RBFOX1: variants seen among roughly 807,000 people sequenced by gnomAD.
The protein encoded by RBFOX1 is RNA binding protein fox-1 homolog 1.
RBFOX1 carries 8 observed loss-of-function variants against 57.7 expected under a neutral mutation model. The ratio of observed to expected loss-of-function variants is 0.14; its 90% CI spans 0.08 to 0.25. The LOEUF is 0.25. RBFOX1 is among the 10% of genes least tolerant of loss of function. The probability of loss-of-function intolerance (pLI) is 1.00; values close to 1 mark genes in which losing one functional copy is unlikely to be tolerated. For missense variants in RBFOX1, 611 were observed against 548.5 expected, an observed-to-expected ratio of 1.11 and a Z score of -1.14; for synonymous variants, 326 against 222.4, an observed-to-expected ratio of 1.47 and a Z score of -4.15.
At chr16:5,682,383 G>A (rs750564403) in intron 3 of RBFOX1, among the ~76,000 whole-genome samples, 4 of 152,154 alleles carry the variant, frequency 2.6e-5, no homozygotes, top group African/African-American at 9.7e-5. Flanking sequence ...TGTGGTAATC[G>A]ATGGAAAGAC....
At chr16:6,437,957 G>A (rs9939300) in intron 2 of RBFOX1, among the ~76,000 whole-genome samples, 33,267 of 151,908 alleles carry the variant, frequency 0.22, 3,908 homozygotes, top group East Asian at 0.32. Context: ...ATGCCAATGA[G>A]GCTCTTCTGA....
At chr16:6,576,295 G>A (rs142567478) in intron 2 of RBFOX1, among the ~76,000 whole-genome samples, 14 of 152,292 alleles carry the variant, frequency 9.2e-5, no homozygotes, top group Non-Finnish European at 1.6e-4. Flanking sequence ...CTCATGCTGA[G>A]ACGACGTAGA....
chr16:7,280,868 A>T (rs1029754661), intron 4 of RBFOX1, among the ~76,000 whole-genome samples: 1 of 151,810 alleles, frequency 6.6e-6, no homozygotes, highest in Admixed American at 6.6e-5. Context: ...CCGCTATCCT[A>T]TGGCCATATT....
At chr16:5,517,142 G>T (rs1005310214) in intron 2 of RBFOX1, among the ~76,000 whole-genome samples, 1 of 152,126 alleles carries the variant, frequency 6.6e-6, no homozygotes, top group African/African-American at 2.4e-5. Context: ...AGAGGATGCT[G>T]CTGTGGTCAC....
At position 7,543,663 on chromosome 16, in the gene RBFOX1, G is replaced by C. The variant is rs560295168; in HGVS notation, c.270+25274G>C. 8.9e-5 allele frequency among the ~76,000 whole-genome samples: 12 copies of C among 134,184 alleles called. No homozygotes were observed. In the East Asian group the frequency reaches 2.3e-3, roughly 26 times the overall value. The allele number at this position is 134,184 out of a possible 152,430, so 88.0% of individuals were successfully genotyped here. A position where few individuals can be genotyped will look rare whatever the true frequency, so the allele number is the denominator to read the frequency against. ...TTGAGAGTCTGCACCATGCTGGGCA[G>C]TATCTGTGTGTGTGTGTGTGTGTGT... On this transcript the variant is annotated intron_variant, in intron 5 of 15. Coordinates refer to ENST00000550418, the MANE Select transcript of RBFOX1 (RefSeq NM_018723.4).
chr16:6,921,625 GTATATA>G (rs146354998), intron 3 of RBFOX1, among the ~76,000 whole-genome samples: 1,910 of 135,212 alleles, frequency 0.014, 36 homozygotes, highest in African/African-American at 0.045. Context: ...ATAAATTACT[GTATATA>G]TATATATATA....
chr16:7,065,728 T>A (rs1327087747), intron 4 of RBFOX1, among the ~76,000 whole-genome samples: 1 of 152,184 alleles, frequency 6.6e-6, no homozygotes, highest in Admixed American at 6.5e-5. Flanking sequence ...GTAGCCGCCA[T>A]GTTGCACAGT....
At chr16:6,359,731 C>T (rs1051511812) in intron 2 of RBFOX1, among the ~76,000 whole-genome samples, 7 of 152,202 alleles carry the variant, frequency 4.6e-5, no homozygotes, top group South Asian at 2.1e-4. Flanking sequence ...AGGGATCAGG[C>T]GTGTATATAA....
chr16:7,664,861 G>C, intron 12 of RBFOX1, 68 bp from the exon 13 acceptor site: 2 of 1,613,562 alleles, frequency 1.2e-6, no homozygotes, highest in Non-Finnish European at 1.7e-6. Context: ...CGCCAGTGCA[G>C]GGGTTGGTGT....
At chr16:6,618,339 C>A (rs1185584055) in intron 2 of RBFOX1, among the ~76,000 whole-genome samples, 2 of 152,130 alleles carry the variant, frequency 1.3e-5, no homozygotes, top group Non-Finnish European at 2.9e-5. Flanking sequence ...CAGTTTCAAG[C>A]CCTTAGCATA....
At chr16:7,346,466 C>A (rs1250102958) in intron 4 of RBFOX1, among the ~76,000 whole-genome samples, 1 of 152,120 alleles carries the variant, frequency 6.6e-6, no homozygotes, top group African/African-American at 2.4e-5. Context: ...AATGTCTCTG[C>A]TTTCTGGCTT....
At chr16:5,809,718 C>G (rs1383400570) in intron 3 of RBFOX1, among the ~76,000 whole-genome samples, 2 of 152,214 alleles carry the variant, frequency 1.3e-5, no homozygotes, top group Non-Finnish European at 2.9e-5. Context: ...CACTTTTACA[C>G]TGTTGGTGGG....
chr16:6,283,129 C>G (rs897507012), intron 1 of RBFOX1, among the ~76,000 whole-genome samples: 1 of 152,136 alleles, frequency 6.6e-6, no homozygotes, highest in African/African-American at 2.4e-5. Context: ...GAGTGGGAGA[C>G]TAGTCTGGGT....
At chr16:7,562,425 C>T (rs2090605545) in intron 5 of RBFOX1, among the ~76,000 whole-genome samples, 1 of 152,054 alleles carries the variant, frequency 6.6e-6, no homozygotes, top group Non-Finnish European at 1.5e-5. Context: ...AAGGAGAGGA[C>T]CCTCATCTGA....
intron 3 of RBFOX1, among the ~76,000 whole-genome samples, chr16:5,772,868 G>T (rs2054026445): frequency 6.6e-6 from 1 of 152,138 alleles, no homozygotes; most frequent in Non-Finnish European, 1.5e-5. Flanking sequence ...TAAATAAGAG[G>T]TCAAGAGTAG....
chr16:5,684,969 A>G (rs2050459573), intron 3 of RBFOX1, among the ~76,000 whole-genome samples: 2 of 152,186 alleles, frequency 1.3e-5, no homozygotes, highest in Non-Finnish European at 1.5e-5. Context: ...AGATAAAGTC[A>G]CTAATGAAGT....
chr16:5,286,732 G>A (rs1161506145), intron 1 of RBFOX1, among the ~76,000 whole-genome samples: 3 of 152,150 alleles, frequency 2.0e-5, no homozygotes, highest in Admixed American at 2.0e-4. Context: ...AGAGGCAAAC[G>A]GTAATATTTT....
intron 2 of RBFOX1, among the ~76,000 whole-genome samples, chr16:6,385,939 CT>C (rs763480257): frequency 1.7e-3 from 119 of 71,314 alleles, no homozygotes; most frequent in East Asian, 2.5e-3. Context: ...TTTTTTCTTT[CT>C]TTTTTTTTTT....
At chr16:7,699,824 A>ATTTTAGAACCACAT (rs2080071624) in intron 14 of RBFOX1, among the ~76,000 whole-genome samples, 1 of 151,984 alleles carries the variant, frequency 6.6e-6, no homozygotes, top group Non-Finnish European at 1.5e-5. Flanking sequence ...TCTCAATCCC[A>ATTTTAGAACCACAT]TTTTAGAACC....
Sources: allele counts gnomAD v4.1 joint callset (sites outside exome capture counted in the v4.1 genomes callset), GRCh38; gene constraint gnomAD v4.1.1; transcripts MANE v1.5; gene names NCBI Gene and HGNC (gene_info 2026-07-23, HGNC 2026-07-21).